CDC14B: variants seen among roughly 807,000 people sequenced by gnomAD.
The protein encoded by CDC14B is dual specificity protein phosphatase CDC14B.
In CDC14B, 22 loss-of-function variants were observed where a neutral mutation model predicts 64.2. The ratio of observed to expected loss-of-function variants is 0.34; its 90% CI spans 0.24 to 0.49. The LOEUF is 0.49. CDC14B is among the 20% of genes least tolerant of loss of function. The pLI, the probability that CDC14B is intolerant of heterozygous loss-of-function variation, is 0.99. For missense variants in CDC14B, 498 were observed against 629.9 expected (o/e 0.79, Z 2.24); for synonymous variants, 191 against 215.8 (o/e 0.89, Z 1.01).
At chr9:96,497,998 G>A (rs1833324214), downstream of CDC14B, among the ~76,000 whole-genome samples, 1 of 152,178 alleles carries the variant, frequency 6.6e-6, no homozygotes, top group Non-Finnish European at 1.5e-5. Context: ...AACCCCTTTT[G>A]TAAGAATTTA....
At chr9:96,563,394 T>C (rs1287143454) in intron 3 of CDC14B, among the ~76,000 whole-genome samples, 1 of 152,214 alleles carries the variant, frequency 6.6e-6, no homozygotes, top group African/African-American at 2.4e-5. Context: ...GGCTCACGCC[T>C]GTAATCTCAG....
chr9:96,507,338 A>G (rs1450047884), intron 13 of CDC14B, among the ~76,000 whole-genome samples: 1 of 150,534 alleles, frequency 6.6e-6, no homozygotes, highest in Non-Finnish European at 1.5e-5. Flanking sequence ...AAGCCTGAGC[A>G]CTCATACCTA....
chr9:96,509,724 C>T lies in CDC14B; in HGVS notation c.1409G>A (p.Gly470Asp). 6.2e-7 allele frequency: 1 copy of T among 1,613,198 alleles called. No individual in the cohort carries two copies. The change falls in exon 13 of 14, where the codon GGC becomes GAC. Residue 470 changes from glycine (G) to aspartate (D), a missense_variant. By Grantham distance (94) the Gly-to-Asp change is moderately conservative (BLOSUM62 -1). Coordinates refer to ENST00000375241, the MANE Select transcript of CDC14B (RefSeq NM_033331.4). ...AGATCTGGTGGTTCTTTTAGTAATG[C>T]CTGCACTGCCAGAAATGTTAGGTTC... ...TSEPNISGSA[G>D]ITKRTTRSAS...
At chr9:96,596,439 A>C (rs1227994564) in intron 1 of CDC14B, among the ~76,000 whole-genome samples, 1 of 152,138 alleles carries the variant, frequency 6.6e-6, no homozygotes, top group Non-Finnish European at 1.5e-5. Flanking sequence ...CTGAAGATAA[A>C]AACTACAATT....
intron 5 of CDC14B, among the ~76,000 whole-genome samples, chr9:96,550,009 A>T (rs1274388465): frequency 6.6e-6 from 1 of 152,220 alleles, no homozygotes; most frequent in Non-Finnish European, 1.5e-5. Context: ...TTGTGCTGTA[A>T]ATCTAAGAGT....
chr9:96,570,316 C>A (rs7030735), intron 1 of CDC14B, among the ~76,000 whole-genome samples: 7,242 of 151,836 alleles, frequency 0.048, 585 homozygotes, highest in African/African-American at 0.17. Context: ...ATTATAATAC[C>A]GTATGTGCTT....
chr9:96,591,531 T>C (rs189890041), intron 1 of CDC14B, among the ~76,000 whole-genome samples: 1 of 152,252 alleles, frequency 6.6e-6, no homozygotes, highest in Admixed American at 6.5e-5. Context: ...TTTTTTTTTC[T>C]TTCCCCTTTT....
At position 96,515,734 on chromosome 9, in the gene CDC14B, A is replaced by T. The variant is rs756244493; in HGVS notation, c.1344-5945T>A. The T allele has an allele frequency of 6.2e-7, 1 of 1,607,190 alleles. No individual in the cohort carries two copies. The highest frequency in any genetic ancestry group is 8.5e-7 in the Non-Finnish European group (1 of 1,177,206). On this transcript the variant is annotated intron_variant, in intron 12 of 13. Coordinates refer to ENST00000375241, the MANE Select transcript of CDC14B (RefSeq NM_033331.4). The surrounding 1 kb of genome is among the most constrained non-coding windows in gnomAD (Gnocchi z 4.3). The stretch of plus-strand genomic sequence containing the variant: ...AGCAGGATGGGAAGAATGTAGTCAC[A>T]AACAATCCACCAGATGACAACACTA...
chr9:96,607,451 C>T (rs374615647), intron 1 of CDC14B, among the ~76,000 whole-genome samples: 8 of 129,612 alleles, frequency 6.2e-5, no homozygotes, highest in Non-Finnish European at 1.1e-4. Flanking sequence ...GATAGAGTCT[C>T]GCTCTGTCGC....
At position 96,525,170 on chromosome 9, in the gene CDC14B, T is replaced by A. The variant is rs76109918; in HGVS notation, c.947-1445A>T. On this transcript the variant is annotated intron_variant, in intron 9 of 13. Transcript: ENST00000375241. The stretch of plus-strand genomic sequence containing the variant: ...AATAAGAGTGTTACAGAGAGAAAAG[T>A]CAAGGGTGTGGCTGGACACTCCCCC... Among the ~76,000 whole-genome samples, 103 of 151,972 alleles carry A rather than the reference T, an allele frequency of 6.8e-4. No homozygotes were observed. In the East Asian group the frequency reaches 0.019, roughly 28 times the overall value.
chr9:96,596,278 C>T (rs1846066963), intron 1 of CDC14B, among the ~76,000 whole-genome samples: 1 of 149,692 alleles, frequency 6.7e-6, no homozygotes. Flanking sequence ...AGGAGAATTG[C>T]TTGAACCCGG....
intron 4 of CDC14B, among the ~76,000 whole-genome samples, chr9:96,560,387 T>C (rs965087584): frequency 1.3e-5 from 2 of 152,172 alleles, no homozygotes; most frequent in South Asian, 2.1e-4. Context: ...TTCTCCAGGG[T>C]TCCCTTTAAT....
At position 96,503,261 on chromosome 9, in the gene CDC14B, T is replaced by G. The variant is rs1464766782; in HGVS notation, c.*492A>C. The stretch of plus-strand genomic sequence containing the variant: ...TACAACAGTATTACAAATAGTCAAG[T>G]GAAGATGATTAAGCCAAATAGTATC... On this transcript the variant is annotated 3_prime_UTR_variant, in exon 14 of 14. Coordinates refer to ENST00000375241, the MANE Select transcript of CDC14B (RefSeq NM_033331.4). 1 of 218,364 alleles carries G rather than the reference T, an allele frequency of 4.6e-6. No homozygotes were observed. The highest frequency in any genetic ancestry group is 2.3e-5 in the African/African-American group (1 of 44,194). 13.5% of individuals were successfully genotyped at this position (218,364 alleles called of 1,614,324 possible).
intron 1 of CDC14B, among the ~76,000 whole-genome samples, chr9:96,612,129 G>A (rs1486442305): frequency 2.0e-5 from 3 of 152,202 alleles, no homozygotes; most frequent in Admixed American, 6.5e-5. Flanking sequence ...TCCCAAGGCA[G>A]AAAAGATGAT....
At chr9:96,607,413 C>CTTTTTTTTT (rs999912549) in intron 1 of CDC14B, among the ~76,000 whole-genome samples, 1 of 66,352 alleles carries the variant, frequency 1.5e-5, no homozygotes, top group Non-Finnish European at 2.9e-5. Flanking sequence ...AACGTGATGT[C>CTTTTTTTTT]TTTTTTTTTT....
At chr9:96,498,535 C>G (rs953804264), downstream of CDC14B, among the ~76,000 whole-genome samples, 3 of 152,226 alleles carry the variant, frequency 2.0e-5, no homozygotes, top group East Asian at 1.9e-4. Flanking sequence ...GTCCCCACTT[C>G]AAGGCAAAAT....
At chr9:96,586,007 G>A (rs972568375) in intron 1 of CDC14B, among the ~76,000 whole-genome samples, 1 of 152,204 alleles carries the variant, frequency 6.6e-6, no homozygotes, top group Non-Finnish European at 1.5e-5. Flanking sequence ...TCAAGAGCAG[G>A]TAAAACTAAT....
chr9:96,497,517 A>G (rs1833305314), downstream of CDC14B, among the ~76,000 whole-genome samples: 1 of 151,800 alleles, frequency 6.6e-6, no homozygotes, highest in African/African-American at 2.4e-5. Flanking sequence ...CTAGGACGAC[A>G]TAATACAGCA....
chr9:96,513,739 G>A (rs1049045894), intron 12 of CDC14B, among the ~76,000 whole-genome samples: 5 of 152,208 alleles, frequency 3.3e-5, no homozygotes, highest in South Asian at 2.1e-4. Context: ...CCACAAGAGC[G>A]TGCACAAAGG....
Sources: gnomAD v4.1 joint callset for allele counts (sites outside exome capture counted in the v4.1 genomes callset) on GRCh38, gnomAD v4.1.1 for gene constraint, Gnocchi (gnomAD v3.1) non-coding constraint, MANE v1.5 for transcripts, NCBI Gene and HGNC (gene_info 2026-07-23, HGNC 2026-07-21) for gene names.